The following SLC25A48 variants were observed in gnomAD, a reference collection of about 807,000 sequenced individuals.
SLC25A48 encodes the protein CTC-321K16.1.
SLC25A48 carries 29 observed loss-of-function variants against 32.2 expected under a neutral mutation model. That is an observed-to-expected ratio of 0.90 (90% CI 0.67 to 1.23). SLC25A48 has a LOEUF of 1.23. SLC25A48 is among the 50% of genes most tolerant of loss of function. The pLI is 0.00. For synonymous variants in SLC25A48, 164 were observed against 172.3 expected (o/e 0.95, Z 0.38); for missense variants, 399 against 422.7 (o/e 0.94, Z 0.49).
intron 3 of SLC25A48, among the ~76,000 whole-genome samples, chr5:135,767,077 G>T (rs1445698145): frequency 2.6e-5 from 4 of 151,850 alleles, no homozygotes; most frequent in Non-Finnish European, 5.9e-5. Flanking sequence ...CAAGGGGAAA[G>T]AGAGTGATGT....
At chr5:135,585,470 A>C (rs1014438350) in intron 1 of SLC25A48, among the ~76,000 whole-genome samples, 1 of 152,320 alleles carries the variant, frequency 6.6e-6, no homozygotes, top group South Asian at 2.1e-4. Context: ...TGTTGTCTCC[A>C]GTGCCACTCC....
At chr5:135,730,135 C>T (rs1755190386) in intron 3 of SLC25A48, among the ~76,000 whole-genome samples, 1 of 152,132 alleles carries the variant, frequency 6.6e-6, no homozygotes, top group African/African-American at 2.4e-5. Flanking sequence ...TACTAGAGTC[C>T]AAGTGCTATT....
chr5:135,640,867 A>G (rs1184222003), intron 3 of SLC25A48, among the ~76,000 whole-genome samples: 2 of 152,232 alleles, frequency 1.3e-5, no homozygotes, highest in Non-Finnish European at 2.9e-5. Flanking sequence ...AAAGGCATCT[A>G]TGAAAAATCT....
intron 3 of SLC25A48, among the ~76,000 whole-genome samples, chr5:135,805,287 T>G (rs1580899485): frequency 2.0e-5 from 3 of 151,484 alleles, no homozygotes; most frequent in African/African-American, 7.3e-5. Flanking sequence ...TTAATATCAG[T>G]GTATGTACAC....
chr5:135,861,885 T>C (rs1460733939), intron 4 of SLC25A48, among the ~76,000 whole-genome samples: 1 of 152,132 alleles, frequency 6.6e-6, no homozygotes, highest in East Asian at 1.9e-4. Flanking sequence ...CTGACTACCA[T>C]TGCACAATAA....
At chr5:135,653,782 G>C (rs1012410756) in intron 3 of SLC25A48, 6 of 456,038 alleles carry the variant, frequency 1.3e-5, no homozygotes, top group African/African-American at 1.2e-4. Flanking sequence ...CCATGTCCAT[G>C]ATGGGTGGCC....
intron 3 of SLC25A48, among the ~76,000 whole-genome samples, chr5:135,667,033 T>A (rs1753541084): frequency 6.6e-6 from 1 of 152,224 alleles, no homozygotes; most frequent in African/African-American, 2.4e-5. Context: ...TCTGGCTTTT[T>A]AAAAGGAGTA....
intron 3 of SLC25A48, among the ~76,000 whole-genome samples, chr5:135,656,246 TTC>T (rs904032564): frequency 6.6e-6 from 1 of 152,010 alleles, no homozygotes; most frequent in Non-Finnish European, 1.5e-5. Flanking sequence ...GTTGTGAAAG[TTC>T]TCAGGACCAC....
chr5:135,861,526 T>A (rs9327732), intron 4 of SLC25A48, among the ~76,000 whole-genome samples: 3,704 of 152,336 alleles, frequency 0.024, 149 homozygotes, highest in African/African-American at 0.083. Context: ...TGCAATGAAA[T>A]GTATTATACA....
intron 3 of SLC25A48, among the ~76,000 whole-genome samples, chr5:135,727,848 T>G (rs1755123912): frequency 6.6e-6 from 1 of 152,220 alleles, no homozygotes. Context: ...CCATTTTATT[T>G]TAGCAATTCC....
At chr5:135,868,206 T>A (rs1248128908) in intron 4 of SLC25A48, among the ~76,000 whole-genome samples, 1 of 152,140 alleles carries the variant, frequency 6.6e-6, no homozygotes, top group East Asian at 1.9e-4. Context: ...CAGGGGCTTT[T>A]GAGAATGAGA....
intron 3 of SLC25A48, among the ~76,000 whole-genome samples, chr5:135,639,549 T>C (rs2905491): frequency 0.76 from 114,706 of 151,908 alleles, 43,863 homozygotes; most frequent in East Asian, 1. Flanking sequence ...TGCTCAGGGT[T>C]TGGGAGCTTA....
chr5:135,599,704 C>T (rs1298907536), intron 1 of SLC25A48, among the ~76,000 whole-genome samples: 1 of 152,200 alleles, frequency 6.6e-6, no homozygotes, highest in African/African-American at 2.4e-5. Context: ...TTCTTCCTTC[C>T]TCCCTTCCTT....
chr5:135,690,061 G>C (rs1449636011), intron 3 of SLC25A48, among the ~76,000 whole-genome samples: 1 of 152,162 alleles, frequency 6.6e-6, no homozygotes, highest in South Asian at 2.1e-4. Context: ...GCCTCGGTTT[G>C]CTTGGGGCTG....
intron 3 of SLC25A48, among the ~76,000 whole-genome samples, chr5:135,680,554 G>A (rs1753871285): frequency 6.6e-6 from 1 of 152,206 alleles, no homozygotes; most frequent in Non-Finnish European, 1.5e-5. Context: ...AGTTCCACAT[G>A]GCTGGGAAGA....
At chr5:135,623,418 G>A (rs1275359544) in intron 1 of SLC25A48, among the ~76,000 whole-genome samples, 1 of 152,216 alleles carries the variant, frequency 6.6e-6, no homozygotes, top group Admixed American at 6.5e-5. Flanking sequence ...CCAAATGGAT[G>A]ATAGCATCTG....
At chr5:135,751,089 T>C (rs1219581346) in intron 3 of SLC25A48, among the ~76,000 whole-genome samples, 2 of 152,140 alleles carry the variant, frequency 1.3e-5, no homozygotes, top group Non-Finnish European at 2.9e-5. Flanking sequence ...TGGCTGTAGA[T>C]GCATGAGTCC....
intron 1 of SLC25A48, among the ~76,000 whole-genome samples, chr5:135,616,878 G>A (rs1752202706): frequency 1.3e-5 from 2 of 152,080 alleles, no homozygotes; most frequent in African/African-American, 4.8e-5. Flanking sequence ...TTGTTAAGAA[G>A]TTTTATTTCT....
chr5:135,880,920 G>T (rs185429517), intron 7 of SLC25A48, among the ~76,000 whole-genome samples: 1 of 151,964 alleles, frequency 6.6e-6, no homozygotes, highest in African/African-American at 2.4e-5. Context: ...GGTGAGTCGC[G>T]CCTTCTGCAG....
Sources: allele counts gnomAD v4.1 joint callset (sites outside exome capture counted in the v4.1 genomes callset), GRCh38; gene constraint gnomAD v4.1.1; transcripts MANE v1.5; gene names NCBI Gene and HGNC (gene_info 2026-07-23, HGNC 2026-07-21).